Variants in FMN1 observed in about 807,000 individuals in gnomAD.
FMN1 encodes formin-1.
Under a neutral mutation model 132.4 loss-of-function variants are expected in FMN1, and 110 were observed. That is an observed-to-expected ratio of 0.83 (90% CI 0.71 to 0.97). The LOEUF (loss-of-function observed/expected upper bound fraction) is 0.97. Ranked by LOEUF, FMN1 falls within the 50% of genes least tolerant of loss-of-function variation. The pLI is 0.00. For synonymous variants in FMN1, 722 were observed against 651.7 expected, an observed-to-expected ratio of 1.11 and a Z score of -1.64; for missense variants, 1,792 against 1,705.3, an observed-to-expected ratio of 1.05 and a Z score of -0.90.
At chr15:32,971,649 TA>T (rs1167982544) in intron 7 of FMN1, among the ~76,000 whole-genome samples, 1 of 152,236 alleles carries the variant, frequency 6.6e-6, no homozygotes, top group African/African-American at 2.4e-5. Context: ...TATTCTCAAC[TA>T]AACCTTCTTT....
intron 11 of FMN1, among the ~76,000 whole-genome samples, chr15:32,909,555 A>C (rs370641620): frequency 3.9e-5 from 6 of 152,324 alleles, no homozygotes; most frequent in African/African-American, 1.4e-4. Context: ...TAAGAAACTT[A>C]AGGTCCCAGG....
In FMN1 at chr15:33,154,392, T is replaced by C. The variant is rs912166062; in HGVS notation, c.523A>G (p.Lys175Glu). The change falls in exon 4 of 21, where the codon AAG (lysine) becomes GAG (glutamate). Residue 175 changes from lysine (K) to glutamate (E), a missense_variant. Around this residue, in one of 3 missense-constraint regions of FMN1, gnomAD observed 638 missense variants for 645.2 expected, o/e 0.99. Transcript: ENST00000616417. ...CCACGCCCTTTTCTTTTGGTCCTCTTCTGTGGAAGGGCCCCAAAGCTCTCT... is the reference window on the plus strand; with the variant it reads ...CCACGCCCTTTTCTTTTGGTCCTCTCCTGTGGAAGGGCCCCAAAGCTCTCT... ...RRESFGALPQKRTKRKGRGGR... is the reference protein window; with the variant it reads ...RRESFGALPQERTKRKGRGGR... 3 of 1,536,156 alleles carry C rather than the reference T, an allele frequency of 2.0e-6. No individual in the cohort carries two copies. The highest frequency in any genetic ancestry group is 2.6e-6 in the Non-Finnish European group (3 of 1,146,914).
At chr15:32,872,545 A>G (rs1160784589) in intron 16 of FMN1, among the ~76,000 whole-genome samples, 4 of 152,268 alleles carry the variant, frequency 2.6e-5, no homozygotes, top group African/African-American at 4.8e-5. Flanking sequence ...GGCAATTTTT[A>G]CTAGAATTGA....
At chr15:32,792,275 CAAAAAA>C (rs11461605) in intron 19 of FMN1, among the ~76,000 whole-genome samples, 2 of 111,736 alleles carry the variant, frequency 1.8e-5, no homozygotes, top group Non-Finnish European at 3.6e-5. Context: ...CAGTCTCTAC[CAAAAAA>C]AAAAAAAAAA....
intron 2 of FMN1, among the ~76,000 whole-genome samples, chr15:33,180,568 A>G (rs1965660940): frequency 6.6e-6 from 1 of 152,162 alleles, no homozygotes; most frequent in Non-Finnish European, 1.5e-5. Flanking sequence ...TGCTGAAACC[A>G]GCAAAGTTGC....
intron 9 of FMN1, among the ~76,000 whole-genome samples, chr15:32,948,471 G>A (rs577099186): frequency 1.3e-5 from 2 of 151,878 alleles, no homozygotes; most frequent in African/African-American, 2.4e-5. Flanking sequence ...AATATTTTGT[G>A]TAAGAAAGAC....
chr15:33,128,236 A>G (rs568630425), intron 4 of FMN1, among the ~76,000 whole-genome samples: 9 of 151,932 alleles, frequency 5.9e-5, no homozygotes, highest in East Asian at 1.9e-4. Context: ...ACCAAAGACC[A>G]TAATTTCCAA....
intron 7 of FMN1, among the ~76,000 whole-genome samples, chr15:32,982,835 G>C (rs112754882): frequency 0.013 from 2,003 of 152,068 alleles, 21 homozygotes; most frequent in Middle Eastern, 0.02. Context: ...TACACCCCCA[G>C]CCCTCCTGAA....
chr15:33,019,749 G>A (rs1230092459), intron 6 of FMN1, among the ~76,000 whole-genome samples: 1 of 152,234 alleles, frequency 6.6e-6, no homozygotes, highest in East Asian at 1.9e-4. Flanking sequence ...GCCCGCGGCA[G>A]GGCCGGCAGG....
chr15:33,095,080 GC>G (rs199593877), intron 4 of FMN1, among the ~76,000 whole-genome samples: 2,781 of 152,270 alleles, frequency 0.018, 32 homozygotes, highest in Non-Finnish European at 0.027. Flanking sequence ...GGGTGCAGTG[GC>G]CCACCCCTGT....
intron 5 of FMN1, among the ~76,000 whole-genome samples, chr15:33,084,900 T>C (rs961746701): frequency 1.3e-5 from 2 of 152,208 alleles, no homozygotes; most frequent in African/African-American, 2.4e-5. Context: ...CACGTACTAA[T>C]GAGAGTCAGT....
intron 19 of FMN1, among the ~76,000 whole-genome samples, chr15:32,795,149 A>G (rs2057238884): frequency 6.6e-6 from 1 of 152,240 alleles, no homozygotes; most frequent in African/African-American, 2.4e-5. Flanking sequence ...GCAGTAAGCT[A>G]TGATTGCGTC....
At chr15:33,155,639 T>C (rs1382802612) in intron 3 of FMN1, among the ~76,000 whole-genome samples, 1 of 152,314 alleles carries the variant, frequency 6.6e-6, no homozygotes, top group East Asian at 1.9e-4. Context: ...ATAACTCAAG[T>C]CTTAATCAAG....
chr15:32,977,885 C>T (rs1232105774), intron 7 of FMN1, among the ~76,000 whole-genome samples: 1 of 148,514 alleles, frequency 6.7e-6, no homozygotes, highest in Non-Finnish European at 1.5e-5. Flanking sequence ...TTTTCTGAGA[C>T]AGAGTCTCTG....
chr15:32,984,871 T>C (rs1196284154), intron 7 of FMN1, among the ~76,000 whole-genome samples: 2 of 151,732 alleles, frequency 1.3e-5, no homozygotes, highest in Non-Finnish European at 2.9e-5. Context: ...TTTGTTGACA[T>C]TTTTTGCAAG....
chr15:32,929,225 C>A (rs1469834903), intron 9 of FMN1, among the ~76,000 whole-genome samples: 7 of 152,190 alleles, frequency 4.6e-5, no homozygotes, highest in Admixed American at 4.6e-4. Flanking sequence ...GAACCAAATT[C>A]TCTGTCTACT....
In FMN1 at chr15:33,050,695, G is replaced by C. The variant is rs867189355; in HGVS notation, c.2161+14262C>G. Among the ~76,000 whole-genome samples, 9 of 152,318 alleles carry C rather than the reference G, an allele frequency of 5.9e-5. 1 individual carries two copies. The Middle Eastern group carries it at 0.024, about 403-fold the overall frequency. On this transcript the variant is annotated intron_variant, in intron 6 of 20. Coordinates refer to ENST00000616417, the MANE Select transcript of FMN1 (RefSeq NM_001277313.2). Reference sequence around the variant, plus strand: ...GTAGTATCTACCAAGTAATGGGCCAGGACACAACAATTCCACTTCAGTCCT... The same window carrying C: ...GTAGTATCTACCAAGTAATGGGCCACGACACAACAATTCCACTTCAGTCCT...
rs776274735 is a variant in FMN1, at chr15:32,908,461, C to T, written c.3377+29G>A. ...ACAGAAATTGCAGTTCTCCTTTTGG[C>T]CTAACAGAAAAATGTTAAGTATCCT... On this transcript the variant is annotated intron_variant, in intron 12 of 20. Transcript: ENST00000616417. 7.5e-6 allele frequency: 11 copies of T among 1,465,036 alleles called. No homozygotes were observed. The South Asian group carries it at 1.0e-4, about 14-fold the overall frequency. The allele number at this position is 1,465,036 out of a possible 1,614,324, so 90.8% of individuals were successfully genotyped here.
chr15:33,063,629 C>T (rs1247057559), intron 6 of FMN1: 1 of 151,990 alleles, frequency 6.6e-6, no homozygotes, highest in Non-Finnish European at 1.5e-5. Flanking sequence ...ATGTAATTAC[C>T]CTAGAGAAAA....
Sources: gnomAD v4.1 joint callset for allele counts (sites outside exome capture counted in the v4.1 genomes callset) on GRCh38, gnomAD v4.1.1 for gene constraint, gnomAD v4.1.1 regional missense constraint, MANE v1.5 for transcripts, NCBI Gene and HGNC (gene_info 2026-07-23, HGNC 2026-07-21) for gene names.